ATXN1: variants seen among roughly 807,000 people sequenced by gnomAD.
ATXN1 encodes the protein ataxin-1.
In ATXN1, 8 loss-of-function variants were observed where a neutral mutation model predicts 56.4. That is an observed-to-expected ratio of 0.14 (90% CI 0.08 to 0.26). The LOEUF (loss-of-function observed/expected upper bound fraction) is 0.26. Ranked by LOEUF, ATXN1 falls within the 10% of genes least tolerant of loss-of-function variation. ATXN1 has a pLI of 1.00. For missense variants in ATXN1, 987 were observed against 1,106.5 expected (o/e 0.89, Z 1.53); for synonymous variants, 514 against 494.6 (o/e 1.04, Z -0.52).
intron 6 of ATXN1, among the ~76,000 whole-genome samples, chr6:16,340,376 G>A (rs537952293): frequency 5.3e-5 from 8 of 152,328 alleles, no homozygotes; most frequent in Admixed American, 4.6e-4. Context: ...TGAGGTTCGC[G>A]TGAGCTTCCC....
intron 2 of ATXN1, among the ~76,000 whole-genome samples, chr6:16,752,019 T>C (rs1760737134): frequency 6.6e-6 from 1 of 152,172 alleles, no homozygotes; most frequent in Non-Finnish European, 1.5e-5. Context: ...CAGCTCCAGA[T>C]CTTAAGTCCA....
intron 6 of ATXN1, among the ~76,000 whole-genome samples, chr6:16,460,987 C>T (rs944518285): frequency 6.6e-6 from 1 of 152,222 alleles, no homozygotes; most frequent in African/African-American, 2.4e-5. Context: ...GGGGGAACCC[C>T]CATTAAATAC....
In ATXN1 at chr6:16,728,531, T is replaced by C. The variant is rs1188888513; in HGVS notation, c.-615+24702A>G. 3.3e-5 allele frequency among the ~76,000 whole-genome samples: 5 copies of C among 152,290 alleles called. No individual in the cohort carries two copies. The South Asian group carries it at 1.0e-3, about 32-fold the overall frequency. On this transcript the variant is annotated intron_variant, in intron 2 of 7. Coordinates refer to ENST00000436367, the MANE Select transcript of ATXN1 (RefSeq NM_001128164.2). ...AAGGTCTCCCTCTCACCAACTCCAC[T>C]ACACGCCATCACCCATATGCCTGGT...
chr6:16,316,523 G>C (rs1760512287), intron 7 of ATXN1, among the ~76,000 whole-genome samples: 1 of 152,250 alleles, frequency 6.6e-6, no homozygotes, highest in African/African-American at 2.4e-5. Context: ...GAGGCGGGCT[G>C]ATCATGAGGT....
chr6:16,437,331 G>A (rs542153522), intron 6 of ATXN1, among the ~76,000 whole-genome samples: 87 of 152,322 alleles, frequency 5.7e-4, no homozygotes, highest in African/African-American at 1.2e-3. Context: ...CACCACCCCC[G>A]TGGAAGGCTA....
intron 4 of ATXN1, among the ~76,000 whole-genome samples, chr6:16,576,761 T>G (rs1159794381): frequency 1.3e-5 from 2 of 152,208 alleles, no homozygotes; most frequent in South Asian, 4.1e-4. Flanking sequence ...TGAATGCACA[T>G]ACAAATAAGC....
chr6:16,342,893 G>A (rs1318908395), intron 6 of ATXN1, among the ~76,000 whole-genome samples: 6 of 152,174 alleles, frequency 3.9e-5, no homozygotes, highest in Non-Finnish European at 5.9e-5. Context: ...GTTGTTTAAC[G>A]GTTCCAGAAT....
chr6:16,753,159 A>G (rs1449639800), intron 2 of ATXN1, 74 bp downstream of exon 2: 13 of 444,780 alleles, frequency 2.9e-5, no homozygotes, highest in Admixed American at 4.8e-5. Flanking sequence ...GTAAGGGAGC[A>G]TGGCTAGGAG....
intron 1 of ATXN1, among the ~76,000 whole-genome samples, chr6:16,758,893 C>G (rs1284632377): frequency 6.6e-6 from 1 of 152,198 alleles, no homozygotes; most frequent in South Asian, 2.1e-4. Context: ...AATGCCACAG[C>G]GCTAGCCGTT....
At chr6:16,374,675 A>C (rs1489034041) in intron 6 of ATXN1, among the ~76,000 whole-genome samples, 1 of 152,186 alleles carries the variant, frequency 6.6e-6, no homozygotes, top group East Asian at 1.9e-4. Context: ...TTGGATGGCA[A>C]GTGTGCCCCC....
At chr6:16,582,811 CCTCT>C (rs1029014718) in intron 4 of ATXN1, among the ~76,000 whole-genome samples, 15 of 152,198 alleles carry the variant, frequency 9.9e-5, no homozygotes, top group Non-Finnish European at 1.9e-4. Flanking sequence ...ATCCTTTCTT[CCTCT>C]CTGAGTCTTT....
intron 5 of ATXN1, among the ~76,000 whole-genome samples, chr6:16,516,076 AGCC>A (rs1338130678): frequency 6.6e-6 from 1 of 152,238 alleles, no homozygotes; most frequent in Non-Finnish European, 1.5e-5. Flanking sequence ...GCGTAAGTTT[AGCC>A]ACCTGCTAAA....
chr6:16,301,433 C>T lies in ATXN1; in HGVS notation c.*4896G>A, dbSNP rs1193431838. On this transcript the variant is annotated 3_prime_UTR_variant, in exon 8 of 8. Coordinates refer to ENST00000436367, the MANE Select transcript of ATXN1 (RefSeq NM_001128164.2). ...CCTATGCCAGAAACACAACACTGTC[C>T]GTGGAAAAGAGAGGAAACCAACCCA... The T allele has an allele frequency of 1.3e-5, 2 of 152,428 alleles. No individual in the cohort carries two copies. Among genetic ancestry groups the T allele is most frequent in the Non-Finnish European group, 2.9e-5 (2 of 67,996 alleles). 9.4% of individuals were successfully genotyped at this position (152,428 alleles called of 1,614,324 possible). A position where few individuals can be genotyped will look rare whatever the true frequency, so the allele number is the denominator to read the frequency against.
intron 4 of ATXN1, among the ~76,000 whole-genome samples, chr6:16,574,011 G>A (rs764303189): frequency 1.3e-5 from 2 of 152,050 alleles, no homozygotes; most frequent in Non-Finnish European, 2.9e-5. Context: ...TTGGTATTGT[G>A]CCCTGAACTA....
intron 6 of ATXN1, among the ~76,000 whole-genome samples, chr6:16,402,250 T>TTG (rs1758590911): frequency 3.3e-4 from 3 of 9,182 alleles, no homozygotes; most frequent in Admixed American, 1.0e-3. Flanking sequence ...CAGTTTTTTT[T>TTG]TTTTTTTTTT....
At chr6:16,507,592 T>C (rs1761004377) in intron 5 of ATXN1, among the ~76,000 whole-genome samples, 1 of 152,196 alleles carries the variant, frequency 6.6e-6, no homozygotes, top group South Asian at 2.1e-4. Flanking sequence ...AAGGTAATTT[T>C]TCTCCAAAGA....
intron 5 of ATXN1, among the ~76,000 whole-genome samples, chr6:16,511,500 A>C (rs1761080885): frequency 6.6e-6 from 1 of 152,238 alleles, no homozygotes; most frequent in African/African-American, 2.4e-5. Flanking sequence ...GGATTGACAT[A>C]TGTTTCCTTC....
At chr6:16,608,118 G>T (rs970844692) in intron 3 of ATXN1, among the ~76,000 whole-genome samples, 1 of 152,194 alleles carries the variant, frequency 6.6e-6, no homozygotes, top group Non-Finnish European at 1.5e-5. Context: ...CTCAGCTTTA[G>T]TCCAGATCTG....
chr6:16,517,528 T>C (rs1041780632), intron 5 of ATXN1, among the ~76,000 whole-genome samples: 4 of 152,188 alleles, frequency 2.6e-5, no homozygotes, highest in Non-Finnish European at 5.9e-5. Flanking sequence ...GCTAATATTA[T>C]CATATACTGA....
Sources: allele counts gnomAD v4.1 joint callset (sites outside exome capture counted in the v4.1 genomes callset), GRCh38; gene constraint gnomAD v4.1.1; transcripts MANE v1.5; gene names NCBI Gene and HGNC (gene_info 2026-07-23, HGNC 2026-07-21).